Variants in COPS4 observed in about 807,000 individuals in gnomAD.
COPS4 encodes the protein COP9 signalosome complex subunit 4.
Under a neutral mutation model 55.1 loss-of-function variants are expected in COPS4, and 8 were observed. That is an observed-to-expected ratio of 0.15 (90% CI 0.09 to 0.26). The LOEUF is 0.26. Ranked by LOEUF, COPS4 falls within the 10% of genes least tolerant of loss-of-function variation. COPS4 has a pLI of 1.00. For missense variants in COPS4, 248 were observed against 484.0 expected (o/e 0.51, Z 4.58); for synonymous variants, 185 against 165.7 (o/e 1.12, Z -0.90).
At chr4:83,060,968 A>G (rs1222810602) in intron 6 of COPS4, among the ~76,000 whole-genome samples, 1 of 151,536 alleles carries the variant, frequency 6.6e-6, no homozygotes, top group East Asian at 2.0e-4. Context: ...CGGGAGGCAG[A>G]GATTGCAGCG....
intron 7 of COPS4, among the ~76,000 whole-genome samples, chr4:83,065,315 G>A (rs963753768): frequency 6.6e-6 from 1 of 152,170 alleles, no homozygotes; most frequent in African/African-American, 2.4e-5. Context: ...CATTTTGATG[G>A]TATTGAGACA....
rs1371384757 is a variant in COPS4, at chr4:83,073,360, A to T, written c.1088-1937A>T. The T allele has an allele frequency of 9.6e-6, 6 of 626,452 alleles. No individual in the cohort carries two copies. In the African/African-American group the frequency reaches 1.1e-4, roughly 11 times the overall value. The allele number at this position is 626,452 out of a possible 1,614,324, so 38.8% of individuals were successfully genotyped here. ...TTCATCCATGTCATGGCAGGTAATC[A>T]GTGCTTCATTCATTTTTATAGCCGA... On this transcript the variant is annotated intron_variant, in intron 9 of 9. Transcript: ENST00000264389.
At chr4:83,039,615 A>G (rs944819807) in intron 1 of COPS4, among the ~76,000 whole-genome samples, 5 of 152,062 alleles carry the variant, frequency 3.3e-5, no homozygotes, top group African/African-American at 1.2e-4. Flanking sequence ...ATCAGTCTTG[A>G]GATGTCTTCA....
At chr4:83,035,708 A>G (rs1730400518) in intron 1 of COPS4, 2 of 173,320 alleles carry the variant, frequency 1.2e-5, no homozygotes, top group South Asian at 2.2e-4. Context: ...AGAGAAATGT[A>G]TATTCTGGGG....
intron 1 of COPS4, among the ~76,000 whole-genome samples, chr4:83,039,753 TC>T (rs1315869095): frequency 6.6e-6 from 1 of 152,178 alleles, no homozygotes; most frequent in East Asian, 1.9e-4. Flanking sequence ...CGCCTTAGCC[TC>T]CTGAGTAGCT....
At chr4:83,068,625 C>A in intron 9 of COPS4, 103 bp downstream of exon 9, 1 of 697,964 alleles carries the variant, frequency 1.4e-6, no homozygotes, top group Non-Finnish European at 2.5e-6. Flanking sequence ...AATCTTACTA[C>A]TGGAATGAGC....
intron 2 of COPS4, among the ~76,000 whole-genome samples, chr4:83,048,308 A>G (rs1730772162): frequency 6.6e-6 from 1 of 152,218 alleles, no homozygotes; most frequent in Non-Finnish European, 1.5e-5. Context: ...ATAAAATAAT[A>G]CCTCGTAAAT....
chr4:83,061,374 A>G (rs1177706223), intron 6 of COPS4, among the ~76,000 whole-genome samples: 1 of 152,080 alleles, frequency 6.6e-6, no homozygotes, highest in South Asian at 2.1e-4. Context: ...TCCTAACCCT[A>G]CAAGAATAAT....
chr4:83,073,161 C>T (rs1731481292), intron 9 of COPS4: 4 of 565,302 alleles, frequency 7.1e-6, no homozygotes, highest in East Asian at 5.8e-5. Flanking sequence ...CCAAAGGAAG[C>T]CCTTGCCCTT....
intron 5 of COPS4, 60 bp downstream of exon 5, chr4:83,057,139 G>GTTACAA: frequency 6.5e-7 from 1 of 1,537,284 alleles, no homozygotes; most frequent in East Asian, 2.3e-5. Flanking sequence ...ATACTAAGAT[G>GTTACAA]TTCCAGGACA....
At chr4:83,047,583 T>A (rs13147843) in intron 2 of COPS4, among the ~76,000 whole-genome samples, 27,013 of 151,884 alleles carry the variant, frequency 0.18, 2,571 homozygotes, top group South Asian at 0.3. Context: ...ATATATATAT[T>A]TTTTGATCTT....
intron 4 of COPS4, among the ~76,000 whole-genome samples, chr4:83,052,317 C>CA (rs1730906885): frequency 6.6e-6 from 1 of 152,072 alleles, no homozygotes; most frequent in Non-Finnish European, 1.5e-5. Context: ...CAGGAGTAGA[C>CA]AAGAGAGGAA....
In COPS4 at chr4:83,075,288, T is replaced by C. The variant is rs544696817; in HGVS notation, c.1088-9T>C. The C allele has an allele frequency of 4.0e-5, 65 of 1,610,412 alleles. No individual in the cohort carries two copies. Among genetic ancestry groups the C allele is most frequent in the South Asian group, 3.8e-4 (34 of 90,258 alleles). On this transcript the variant is annotated splice_polypyrimidine_tract_variant and intron_variant, in intron 9 of 9. Coordinates refer to ENST00000264389, the MANE Select transcript of COPS4 (RefSeq NM_016129.3). Reference sequence around the variant, plus strand: ...TAATTTTAATTTTGTACATTTTTTTTCCCCTTAGCACGAGAAGCCCTGCCA... The same window carrying C: ...TAATTTTAATTTTGTACATTTTTTTCCCCCTTAGCACGAGAAGCCCTGCCA...
At chr4:83,072,044 G>A (rs1731443863) in intron 9 of COPS4, among the ~76,000 whole-genome samples, 1 of 151,896 alleles carries the variant, frequency 6.6e-6, no homozygotes, top group Admixed American at 6.6e-5. Context: ...TCTGTAATAT[G>A]TGTCACAAAT....
intron 1 of COPS4, 147 bp from the exon 2 acceptor site, chr4:83,045,479 A>G: frequency 2.0e-6 from 1 of 494,780 alleles, no homozygotes; most frequent in Non-Finnish European, 3.5e-6. Flanking sequence ...AACTTAAAAA[A>G]AAATCTGTGG....
chr4:83,048,645 G>C (rs1455994136), intron 2 of COPS4, among the ~76,000 whole-genome samples: 1 of 151,676 alleles, frequency 6.6e-6, no homozygotes, highest in African/African-American at 2.4e-5. Flanking sequence ...ATTAATTAAT[G>C]AATTAATTAA....
Position 83,045,713 on chromosome 4 carries a change from A to G in COPS4, c.154+8A>G, listed in dbSNP as rs748718893. The G allele has an allele frequency of 6.2e-7, 1 of 1,603,170 alleles. No individual in the cohort carries two copies. Among genetic ancestry groups the G allele is most frequent in the Non-Finnish European group, 8.5e-7 (1 of 1,171,054 alleles). Reference sequence around the variant, plus strand: ...AAGCTTTTGTGGAAGCAAGTAAGTGAAATGGAAATTTCATGCTTGCCTTGT... The same window carrying G: ...AAGCTTTTGTGGAAGCAAGTAAGTGGAATGGAAATTTCATGCTTGCCTTGT... On this transcript the variant is annotated splice_region_variant and intron_variant, in intron 2 of 9. Coordinates refer to ENST00000264389, the MANE Select transcript of COPS4 (RefSeq NM_016129.3).
At chr4:83,068,596 AC>A in intron 9 of COPS4, 74 bp downstream of exon 9, 1 of 919,512 alleles carries the variant, frequency 1.1e-6, no homozygotes, top group Admixed American at 2.0e-5. Flanking sequence ...AACATGTTGG[AC>A]AGTTTCCTTT....
intron 4 of COPS4, among the ~76,000 whole-genome samples, chr4:83,056,253 T>C (rs1259540957): frequency 6.6e-6 from 1 of 152,048 alleles, no homozygotes; most frequent in Non-Finnish European, 1.5e-5. Flanking sequence ...TTTCTAAAGG[T>C]AAATGTATAG....
Sources: allele counts gnomAD v4.1 joint callset (sites outside exome capture counted in the v4.1 genomes callset), GRCh38; gene constraint gnomAD v4.1.1; transcripts MANE v1.5; gene names NCBI Gene and HGNC (gene_info 2026-07-23, HGNC 2026-07-21).